Variants in TIA1 observed in about 807,000 individuals in gnomAD.
TIA1 encodes TIA1 cytotoxic granule associated RNA binding protein, also known as cytotoxic granule associated RNA binding protein TIA1.
In TIA1, 23 loss-of-function variants were observed where a neutral mutation model predicts 65.9. That is an observed-to-expected ratio of 0.35 (90% confidence interval 0.25 to 0.49). TIA1 has a LOEUF of 0.49. Among genes scored for constraint, TIA1 ranks in the 20% least tolerant of loss-of-function variants. The pLI is 0.98. For missense variants in TIA1, 371 were observed against 477.9 expected (o/e 0.78, Z 2.09); for synonymous variants, 147 against 149.4 (o/e 0.98, Z 0.12).
chr2:70,235,054 A>G (rs1249142183), intron 2 of TIA1, among the ~76,000 whole-genome samples: 3 of 152,104 alleles, frequency 2.0e-5, no homozygotes, highest in East Asian at 1.9e-4. Flanking sequence ...ACAAACAAAC[A>G]AACGAAAAGT....
At chr2:70,234,854 C>A (rs1330508008) in intron 2 of TIA1, among the ~76,000 whole-genome samples, 1 of 151,934 alleles carries the variant, frequency 6.6e-6, no homozygotes, top group Non-Finnish European at 1.5e-5. Context: ...GCCACTGTGC[C>A]CGGCTAAATA....
chr2:70,247,572 A>G (rs1694935187), intron 1 of TIA1, among the ~76,000 whole-genome samples: 1 of 152,176 alleles, frequency 6.6e-6, no homozygotes, highest in South Asian at 2.1e-4. Context: ...AAAACAAAGA[A>G]CGCAGTTGGG....
At chr2:70,232,572 A>AAAAAAAC (rs1686961366) in intron 2 of TIA1, among the ~76,000 whole-genome samples, 1 of 135,994 alleles carries the variant, frequency 7.4e-6, no homozygotes, top group East Asian at 2.3e-4. Flanking sequence ...AAAAAAAAAA[A>AAAAAAAC]AATTATCTTC....
At chr2:70,239,133 C>T (rs573695558) in intron 1 of TIA1, among the ~76,000 whole-genome samples, 1 of 152,306 alleles carries the variant, frequency 6.6e-6, no homozygotes, top group East Asian at 1.9e-4. Flanking sequence ...TGCTCTGTCG[C>T]CCAGGCTGGA....
At chr2:70,224,913 G>A in intron 6 of TIA1, 1 of 1,135,970 alleles carries the variant, frequency 8.8e-7, no homozygotes, top group Non-Finnish European at 1.1e-6. Flanking sequence ...CATGGTGAAA[G>A]CAGCTACTCA....
intron 7 of TIA1, among the ~76,000 whole-genome samples, chr2:70,222,642 G>A (rs575892431): frequency 4.6e-5 from 7 of 152,256 alleles, no homozygotes; most frequent in South Asian, 2.1e-4. Context: ...ACTGCCGGGC[G>A]CAGTGGCTCA....
intron 7 of TIA1, among the ~76,000 whole-genome samples, chr2:70,218,476 G>C (rs1573265232): frequency 6.6e-6 from 1 of 152,194 alleles, no homozygotes; most frequent in Non-Finnish European, 1.5e-5. Context: ...CTGTCTCCCA[G>C]GCTGGAGTGC....
Position 70,231,065 on chromosome 2 carries a change from C to T in TIA1, c.124-211G>A, listed in dbSNP as rs527514479. On this transcript the variant is annotated intron_variant, in intron 2 of 12. Transcript: ENST00000433529. ...CTGTAATCCCAGCACTTTGGGAGGC[C>T]AAGGCAGGTGGATCATGAGGTCAGC... Among the ~76,000 whole-genome samples the T allele has an allele frequency of 2.0e-5, 3 of 152,156 alleles. No individual in the cohort carries two copies. The South Asian group carries it at 6.2e-4, about 32-fold the overall frequency.
intron 6 of TIA1, 65 bp downstream of exon 6, chr2:70,227,670 T>C: frequency 9.4e-7 from 1 of 1,063,446 alleles, no homozygotes; most frequent in Non-Finnish European, 1.4e-6. Flanking sequence ...CAGAATTATT[T>C]TCAAGTTATG....
intron 1 of TIA1, among the ~76,000 whole-genome samples, chr2:70,242,766 T>C (rs1284415907): frequency 6.6e-6 from 1 of 152,064 alleles, no homozygotes; most frequent in Non-Finnish European, 1.5e-5. Flanking sequence ...CTGCCTCCTG[T>C]AAGATCAGCA....
chr2:70,216,592 T>C, intron 8 of TIA1, 93 bp from the exon 9 acceptor site: 1 of 1,344,620 alleles, frequency 7.4e-7, no homozygotes, highest in South Asian at 1.4e-5. Context: ...AAAGGTAACA[T>C]TAACCTTGAT....
At chr2:70,242,034 G>GA (rs1379751322) in intron 1 of TIA1, among the ~76,000 whole-genome samples, 1 of 152,064 alleles carries the variant, frequency 6.6e-6, no homozygotes, top group Non-Finnish European at 1.5e-5. Context: ...GATATCAGTG[G>GA]AAAAATTGGA....
chr2:70,227,685 C>T (rs1684390373), intron 6 of TIA1, 50 bp downstream of exon 6: 1 of 1,213,346 alleles, frequency 8.2e-7, no homozygotes, highest in Non-Finnish European at 1.2e-6. Flanking sequence ...GTTATGTCTA[C>T]ATATAATTGT....
At chr2:70,228,415 ACATTACACCATT>A (rs1231007814) in intron 5 of TIA1, 1 of 1,288,268 alleles carries the variant, frequency 7.8e-7, no homozygotes, top group Non-Finnish European at 1.0e-6. Flanking sequence ...GGTTGCCCAG[ACATTACACCATT>A]CAGTTTATGT....
At chr2:70,237,419 C>T (rs993921860) in intron 1 of TIA1, among the ~76,000 whole-genome samples, 2 of 151,698 alleles carry the variant, frequency 1.3e-5, no homozygotes, top group African/African-American at 2.4e-5. Context: ...AAATATATTA[C>T]ACCTTGCTAG....
intron 4 of TIA1, 51 bp from the exon 5 acceptor site, chr2:70,229,142 C>T (rs374728720): frequency 3.7e-6 from 6 of 1,609,212 alleles, no homozygotes; most frequent in Non-Finnish European, 5.1e-6. Context: ...CAAACACATT[C>T]AATCATATCT....
intron 8 of TIA1, 121 bp downstream of exon 8, chr2:70,216,765 T>C (rs780659424): frequency 8.1e-6 from 13 of 1,601,744 alleles, no homozygotes; most frequent in African/African-American, 4.0e-5. Flanking sequence ...TTTTGAATAG[T>C]AGTCTTGATT....
chr2:70,220,362 T>C (rs1049304431), intron 7 of TIA1, among the ~76,000 whole-genome samples: 1 of 152,100 alleles, frequency 6.6e-6, no homozygotes, highest in African/African-American at 2.4e-5. Flanking sequence ...TGAGTTGTGA[T>C]TGTGCCACCA....
At chr2:70,215,171 A>G (rs931527551) in intron 11 of TIA1, 200 bp downstream of exon 11, 1 of 604,122 alleles carries the variant, frequency 1.7e-6, no homozygotes, top group Non-Finnish European at 2.8e-6. Flanking sequence ...TGTGAGCATG[A>G]GTCAATTGAG....
Sources: gnomAD v4.1 joint callset for allele counts (sites outside exome capture counted in the v4.1 genomes callset) on GRCh38, gnomAD v4.1.1 for gene constraint, MANE v1.5 for transcripts, NCBI Gene and HGNC (gene_info 2026-07-23, HGNC 2026-07-21) for gene names.